Variants in TRAF3IP2 observed in about 807,000 individuals in gnomAD.
TRAF3IP2 encodes the protein TRAF3 interacting protein 2.
A neutral mutation model predicts 57.9 loss-of-function variants in TRAF3IP2; 35 were observed. The observed-to-expected ratio is 0.60, with a 90% CI of 0.46 to 0.80. The LOEUF (loss-of-function observed/expected upper bound fraction) is 0.80. Among genes scored for constraint, TRAF3IP2 ranks in the 30% least tolerant of loss-of-function variants. The probability of loss-of-function intolerance (pLI) is 0.00; values close to 1 mark genes in which losing one functional copy is unlikely to be tolerated. For synonymous variants in TRAF3IP2, 251 were observed against 268.9 expected (o/e 0.93, Z 0.65); for missense variants, 556 against 706.4 (o/e 0.79, Z 2.41).
chr6:111,595,684 C>T lies in TRAF3IP2; in HGVS notation c.-8-3590G>A, dbSNP rs930707808. On this transcript the variant is annotated intron_variant, in intron 1 of 8. Coordinates refer to ENST00000368761, the MANE Select transcript of TRAF3IP2 (RefSeq NM_147686.4). ...CTCTACTAAAAATACAAAAATTAGCCGGGCATGATGGCAGGCACCTGTAAT... is the reference window on the plus strand; with the variant it reads ...CTCTACTAAAAATACAAAAATTAGCTGGGCATGATGGCAGGCACCTGTAAT... Among the ~76,000 whole-genome samples, 6 of 151,854 alleles carry T rather than the reference C, an allele frequency of 4.0e-5. 1 individual carries two copies. Among genetic ancestry groups the T allele is most frequent in the South Asian group, 4.2e-4 (2 of 4,812 alleles).
At chr6:111,573,663 GCTTAGAGCAGCAGA>G (rs59975759) in intron 4 of TRAF3IP2, 57,194 of 152,160 alleles carry the variant, frequency 0.38, 13,134 homozygotes, top group African/African-American at 0.64. Context: ...CCCTGGGTCA[GCTTAGAGCAGCAGA>G]CAGTACAGTT....
At position 111,586,063 on chromosome 6, in the gene TRAF3IP2, G is replaced by A. The variant is rs55898965; in HGVS notation, c.829+5195C>T. On this transcript the variant is annotated intron_variant, in intron 2 of 8. Transcript: ENST00000368761. ...GATTTTCAAGTTGTCAAAAAAAATC[G>A]TGATATAATGCAATCAGTTTAGCCA... 5.6e-3 allele frequency among the ~76,000 whole-genome samples: 853 copies of A among 152,206 alleles called. 11 individuals carry two copies. The highest frequency in any genetic ancestry group is 0.019 in the African/African-American group (787 of 41,536).
intron 8 of TRAF3IP2, among the ~76,000 whole-genome samples, chr6:111,561,844 A>C (rs557492635): frequency 1.3e-5 from 2 of 152,296 alleles, no homozygotes; most frequent in East Asian, 1.9e-4. Context: ...CACAAGGTCA[A>C]AGTGGAGATG....
intron 1 of TRAF3IP2, chr6:111,594,479 GA>G (rs747843384): frequency 6.6e-5 from 29 of 442,556 alleles, no homozygotes; most frequent in East Asian, 2.2e-4. Context: ...TCTACCTAAA[GA>G]AAAAAAAAGT....
At chr6:111,568,498 C>T (rs1034734325) in intron 5 of TRAF3IP2, among the ~76,000 whole-genome samples, 18 of 137,134 alleles carry the variant, frequency 1.3e-4, no homozygotes, top group South Asian at 2.3e-4. Context: ...TGTACGTGCA[C>T]GTGTGTGTTT....
intron 5 of TRAF3IP2, 101 bp downstream of exon 5, chr6:111,572,794 C>A: frequency 1.1e-6 from 1 of 873,702 alleles, no homozygotes; most frequent in South Asian, 1.4e-5. Flanking sequence ...CAAATAATAT[C>A]ATTTAAAACA....
chr6:111,566,406 A>C, intron 7 of TRAF3IP2, 38 bp downstream of exon 7: 1 of 1,508,594 alleles, frequency 6.6e-7, no homozygotes, highest in African/African-American at 1.4e-5. Flanking sequence ...ATCCATCCCC[A>C]GGGGACAGTG....
intron 1 of TRAF3IP2, among the ~76,000 whole-genome samples, chr6:111,592,670 G>A (rs1054002801): frequency 1.3e-5 from 2 of 152,176 alleles, no homozygotes; most frequent in Non-Finnish European, 2.9e-5. Flanking sequence ...ATTAAGCTGG[G>A]GGAGAGGAGT....
intron 3 of TRAF3IP2, among the ~76,000 whole-genome samples, chr6:111,577,899 G>A (rs1451728938): frequency 6.6e-6 from 1 of 151,842 alleles, no homozygotes; most frequent in Non-Finnish European, 1.5e-5. Flanking sequence ...TTTTTGTAGA[G>A]ATGGGTTTTC....
intron 1 of TRAF3IP2, among the ~76,000 whole-genome samples, chr6:111,596,825 T>C (rs113391553): frequency 6.6e-6 from 1 of 151,270 alleles, no homozygotes; most frequent in South Asian, 2.1e-4. Flanking sequence ...TATTGAACTC[T>C]TTACCTCAAG....
Position 111,558,010 on chromosome 6 carries a change from ACT to A in TRAF3IP2, c.*1393_*1394del, listed in dbSNP as rs1029996244. 8 of 152,026 alleles carry A rather than the reference ACT, an allele frequency of 5.3e-5. No individual in the cohort carries two copies. The highest frequency in any genetic ancestry group is 1.7e-4 in the African/African-American group (7 of 41,482). 9.4% of individuals were successfully genotyped at this position (152,026 alleles called of 1,614,324 possible). On this transcript the variant is annotated 3_prime_UTR_variant, in exon 9 of 9. Coordinates refer to ENST00000368761, the MANE Select transcript of TRAF3IP2 (RefSeq NM_147686.4). Reference sequence around the variant, plus strand: ...ACTCCAGCCTGGACGACAGAGCGAGACTCTGTCTCAAACAAAAAAAAAGAAGA... The same window carrying A: ...ACTCCAGCCTGGACGACAGAGCGAGACTGTCTCAAACAAAAAAAAAGAAGA...
intron 6 of TRAF3IP2, among the ~76,000 whole-genome samples, chr6:111,566,840 C>T (rs111795647): frequency 1.3e-5 from 2 of 152,068 alleles, no homozygotes; most frequent in South Asian, 2.1e-4. Context: ...AATGAAAGCC[C>T]GAATCACTGA....
intron 2 of TRAF3IP2, among the ~76,000 whole-genome samples, chr6:111,581,406 G>A (rs1243491724): frequency 1.3e-5 from 2 of 152,194 alleles, no homozygotes; most frequent in Non-Finnish European, 2.9e-5. Flanking sequence ...TAAGCAGTAA[G>A]ACGATCCAGG....
At position 111,580,304 on chromosome 6, in the gene TRAF3IP2, T is replaced by TGG; in HGVS notation, c.914_915insCC (p.Arg305SerfsTer12). The stretch of plus-strand genomic sequence containing the variant: ...TAACCTTCTGCACAGGGTGCAGGCC[T>TGG]CTCACACTGGCTCCAGGCAGGGGCT... On this transcript the variant is annotated frameshift_variant, in exon 3 of 9. Transcript: ENST00000368761. LOFTEE classifies it high-confidence loss of function. The TGG allele has an allele frequency of 6.2e-7, 1 of 1,609,208 alleles. No homozygotes were observed. Among genetic ancestry groups the TGG allele is most frequent in the Non-Finnish European group, 8.5e-7 (1 of 1,178,518 alleles).
chr6:111,594,147 T>A (rs868632591), intron 1 of TRAF3IP2, among the ~76,000 whole-genome samples: 35 of 80,192 alleles, frequency 4.4e-4, no homozygotes, highest in Admixed American at 6.7e-4. Context: ...AAAAAAAAAA[T>A]GCTCACCATT....
At chr6:111,593,497 A>G (rs174383) in intron 1 of TRAF3IP2, among the ~76,000 whole-genome samples, 34,258 of 152,022 alleles carry the variant, frequency 0.23, 4,120 homozygotes, top group Middle Eastern at 0.28. Flanking sequence ...CACCAAATAT[A>G]CTTAACAGCC....
intron 5 of TRAF3IP2, 54 bp from the exon 6 acceptor site, chr6:111,567,746 G>A: frequency 6.8e-7 from 1 of 1,463,874 alleles, no homozygotes. Context: ...CTCTCAAGAT[G>A]CAGAGCAGAA....
intron 2 of TRAF3IP2, among the ~76,000 whole-genome samples, chr6:111,582,222 T>G (rs1244708106): frequency 1.3e-5 from 2 of 152,174 alleles, no homozygotes; most frequent in Admixed American, 1.3e-4. Context: ...CTCAATCTAT[T>G]ATTGTCTCCT....
At chr6:111,563,991 C>T (rs984923200) in intron 7 of TRAF3IP2, among the ~76,000 whole-genome samples, 3 of 152,142 alleles carry the variant, frequency 2.0e-5, no homozygotes, top group African/African-American at 2.4e-5. Context: ...GAGAAGGAGA[C>T]GAGGAATTAT....
Sources: allele counts gnomAD v4.1 joint callset (sites outside exome capture counted in the v4.1 genomes callset), GRCh38; gene constraint gnomAD v4.1.1; transcripts MANE v1.5; gene names NCBI Gene and HGNC (gene_info 2026-07-23, HGNC 2026-07-21).